SLC35F4: variants seen among roughly 807,000 people sequenced by gnomAD.
The protein encoded by SLC35F4 is chromosome 14 open reading frame 36.
Under a neutral mutation model 44.2 loss-of-function variants are expected in SLC35F4, and 24 were observed. The ratio of observed to expected loss-of-function variants is 0.54; its 90% CI spans 0.39 to 0.76. The LOEUF is 0.76. Among genes scored for constraint, SLC35F4 ranks in the 30% least tolerant of loss-of-function variants. The probability of loss-of-function intolerance (pLI) is 0.00; values close to 1 mark genes in which losing one functional copy is unlikely to be tolerated. For synonymous variants in SLC35F4, 238 were observed against 223.6 expected (o/e 1.06, Z -0.57); for missense variants, 562 against 586.1 (o/e 0.96, Z 0.42).
chr14:57,959,933 C>A (rs1401069316), intron 1 of SLC35F4, among the ~76,000 whole-genome samples: 1 of 152,092 alleles, frequency 6.6e-6, no homozygotes, highest in Non-Finnish European at 1.5e-5. Context: ...CGAGACTCCA[C>A]CTTGGAAGAG....
chr14:57,708,721 G>A (rs1181163151), intron 1 of SLC35F4, among the ~76,000 whole-genome samples: 1 of 152,156 alleles, frequency 6.6e-6, no homozygotes, highest in Admixed American at 6.5e-5. Flanking sequence ...GGGCCCAGGG[G>A]ACCACTACCA....
At chr14:57,953,426 A>G (rs1890177901) in intron 1 of SLC35F4, among the ~76,000 whole-genome samples, 1 of 152,210 alleles carries the variant, frequency 6.6e-6, no homozygotes, top group Admixed American at 6.5e-5. Context: ...AAATTCACAC[A>G]TAACAATACT....
intron 1 of SLC35F4, among the ~76,000 whole-genome samples, chr14:57,748,372 T>C (rs1220428987): frequency 1.3e-5 from 2 of 152,154 alleles, no homozygotes; most frequent in Non-Finnish European, 2.9e-5. Context: ...ACAGTCAAGA[T>C]ATAGAACAGT....
chr14:57,704,191 G>T (rs1173836944), intron 1 of SLC35F4, among the ~76,000 whole-genome samples: 2 of 152,150 alleles, frequency 1.3e-5, no homozygotes, highest in East Asian at 3.9e-4. Flanking sequence ...AACTTCTCAG[G>T]ACTCCAAAGG....
At chr14:57,584,570 A>G (rs1415665942) in intron 3 of SLC35F4, among the ~76,000 whole-genome samples, 1 of 152,144 alleles carries the variant, frequency 6.6e-6, no homozygotes, top group Non-Finnish European at 1.5e-5. Context: ...CCCTTCAGAG[A>G]TAGTATTTTC....
intron 1 of SLC35F4, among the ~76,000 whole-genome samples, chr14:57,961,982 A>G (rs1890348094): frequency 6.6e-6 from 1 of 152,190 alleles, no homozygotes; most frequent in Non-Finnish European, 1.5e-5. Context: ...GGAGCAGGGT[A>G]CATGCCCAGT....
At chr14:57,600,678 C>A (rs2070764427) in intron 1 of SLC35F4, among the ~76,000 whole-genome samples, 1 of 64,136 alleles carries the variant, frequency 1.6e-5, no homozygotes, top group African/African-American at 6.0e-5. Flanking sequence ...GGCGACAGAG[C>A]AAGACTCCAT....
intron 1 of SLC35F4, among the ~76,000 whole-genome samples, chr14:57,919,614 A>G (rs1884072): frequency 0.036 from 5,550 of 152,212 alleles, 349 homozygotes; most frequent in African/African-American, 0.13. Flanking sequence ...AGTAACTAAG[A>G]CCACCAGATC....
intron 1 of SLC35F4, among the ~76,000 whole-genome samples, chr14:57,952,879 G>A (rs1288210296): frequency 1.3e-5 from 2 of 152,054 alleles, no homozygotes; most frequent in East Asian, 3.9e-4. Flanking sequence ...ATATTATCCA[G>A]GAGAATTTCC....
intron 1 of SLC35F4, among the ~76,000 whole-genome samples, chr14:57,735,923 T>C (rs1476323314): frequency 6.6e-6 from 1 of 152,100 alleles, no homozygotes; most frequent in African/African-American, 2.4e-5. Flanking sequence ...GGTCTCACTG[T>C]ATTGCCCAGG....
At chr14:57,914,582 C>T (rs766136013) in intron 1 of SLC35F4, among the ~76,000 whole-genome samples, 3 of 150,972 alleles carry the variant, frequency 2.0e-5, no homozygotes, top group Non-Finnish European at 2.9e-5. Context: ...AAAAAAAAAA[C>T]CACAGTCTCT....
At chr14:57,635,227 C>T (rs1008088391) in intron 1 of SLC35F4, among the ~76,000 whole-genome samples, 7 of 126,268 alleles carry the variant, frequency 5.5e-5, no homozygotes. Context: ...GCCTGGGTGA[C>T]AAAGCAAGAC....
chr14:57,568,128 G>A (rs896816934), intron 6 of SLC35F4, among the ~76,000 whole-genome samples: 12 of 152,218 alleles, frequency 7.9e-5, no homozygotes, highest in Non-Finnish European at 1.5e-5. Flanking sequence ...GCACAACTTT[G>A]GCACAGTGAG....
downstream of SLC35F4, among the ~76,000 whole-genome samples, chr14:57,975,162 T>C (rs1005598414): frequency 2.0e-5 from 3 of 152,208 alleles, no homozygotes; most frequent in Non-Finnish European, 4.4e-5. Flanking sequence ...GGTGACTATT[T>C]GGTAACACTG....
intron 1 of SLC35F4, among the ~76,000 whole-genome samples, chr14:57,832,740 A>C (rs1884506911): frequency 6.7e-6 from 1 of 149,536 alleles, no homozygotes; most frequent in Non-Finnish European, 1.5e-5. Flanking sequence ...AGATGAGGGA[A>C]AAGAGAACAC....
At chr14:57,708,694 T>G (rs1407802540) in intron 1 of SLC35F4, among the ~76,000 whole-genome samples, 1 of 152,000 alleles carries the variant, frequency 6.6e-6, no homozygotes, top group African/African-American at 2.4e-5. Flanking sequence ...GACAAAGAGA[T>G]AAAAGAAAAG....
rs562469220 is a variant in SLC35F4 at position 57,641,729 on chromosome 14, T to C, written c.104-47605A>G. On this transcript the variant is annotated intron_variant, in intron 1 of 7. Coordinates refer to ENST00000556826, the MANE Select transcript of SLC35F4 (RefSeq NM_001306087.2). ...AAGTTTTAACACTATAGCTATTACA[T>C]AGAACAGCTATTACACTGCAGCTAT... 3.3e-5 allele frequency among the ~76,000 whole-genome samples: 5 copies of C among 152,034 alleles called. No individual in the cohort carries two copies. The East Asian group carries it at 5.8e-4, about 18-fold the overall frequency.
chr14:57,648,406 C>G (rs1395918222), intron 1 of SLC35F4, among the ~76,000 whole-genome samples: 1 of 152,016 alleles, frequency 6.6e-6, no homozygotes. Flanking sequence ...CCTAAAAGAG[C>G]AATTTCAAAT....
At chr14:57,933,525 T>G (rs758520614) in intron 1 of SLC35F4, among the ~76,000 whole-genome samples, 4 of 152,094 alleles carry the variant, frequency 2.6e-5, no homozygotes, top group African/African-American at 4.8e-5. Flanking sequence ...CTTCTCTTAT[T>G]GAAAATAAGA....
Sources: allele counts gnomAD v4.1 joint callset (sites outside exome capture counted in the v4.1 genomes callset), GRCh38; gene constraint gnomAD v4.1.1; transcripts MANE v1.5; gene names NCBI Gene and HGNC (gene_info 2026-07-23, HGNC 2026-07-21).